The following OAS2 variants were observed in gnomAD, a reference collection of about 807,000 sequenced individuals.
OAS2 encodes 2'-5'-oligoadenylate synthase 2.
Under a neutral mutation model 71.3 loss-of-function variants are expected in OAS2, and 67 were observed. The ratio of observed to expected loss-of-function variants is 0.94; its 90% CI spans 0.77 to 1.15. The LOEUF is 1.15. Among genes scored for constraint, OAS2 ranks in the 50% most tolerant of loss-of-function variants. The pLI, the probability that OAS2 is intolerant of heterozygous loss-of-function variation, is 0.00. For missense variants in OAS2, 789 were observed against 822.5 expected, an observed-to-expected ratio of 0.96 and a Z score of 0.50; for synonymous variants, 327 against 321.8, an observed-to-expected ratio of 1.02 and a Z score of -0.17.
chr12:112,999,485 C>T (rs558871628), intron 5 of OAS2, among the ~76,000 whole-genome samples: 4 of 152,306 alleles, frequency 2.6e-5, no homozygotes, highest in East Asian at 1.9e-4. Context: ...ATCTATACCC[C>T]GTTTGCACAG....
intron 1 of OAS2, among the ~76,000 whole-genome samples, chr12:112,982,967 T>C (rs2044097730): frequency 6.6e-6 from 1 of 152,192 alleles, no homozygotes; most frequent in East Asian, 1.9e-4. Flanking sequence ...CACATGTAGT[T>C]GTTCATCATA....
intron 6 of OAS2, 56 bp from the exon 7 acceptor site, chr12:113,004,878 G>A: frequency 1.3e-6 from 2 of 1,580,364 alleles, no homozygotes; most frequent in Non-Finnish European, 1.7e-6. Flanking sequence ...GCCCACGGGG[G>A]CACGGGACTC....
chr12:113,000,890 G>T (rs932072534), intron 5 of OAS2, among the ~76,000 whole-genome samples: 3 of 152,210 alleles, frequency 2.0e-5, no homozygotes, highest in Non-Finnish European at 2.9e-5. Context: ...AACAACCAAG[G>T]TTGGCCTTCA....
intron 1 of OAS2, among the ~76,000 whole-genome samples, chr12:112,980,074 C>A (rs183285791): frequency 6.6e-6 from 1 of 152,184 alleles, no homozygotes; most frequent in East Asian, 1.9e-4. Flanking sequence ...ATTGTTGTGT[C>A]AATTCCATTA....
intron 5 of OAS2, among the ~76,000 whole-genome samples, chr12:112,998,619 G>A (rs556092909): frequency 4.5e-4 from 68 of 152,310 alleles, no homozygotes; most frequent in African/African-American, 1.5e-3. Flanking sequence ...GCAGAGCCAA[G>A]CTCTCTGCAG....
At chr12:113,006,372 AT>A in intron 7 of OAS2, 40 bp from the exon 8 acceptor site, 1 of 1,436,918 alleles carries the variant, frequency 7.0e-7, no homozygotes. Context: ...GTTACTTACT[AT>A]GTGTATTAAA....
chr12:112,997,791 T>G (rs926753065), intron 4 of OAS2, 36 bp downstream of exon 4: 1 of 1,428,338 alleles, frequency 7.0e-7, no homozygotes, highest in African/African-American at 1.4e-5. Context: ...CTGTACCTCA[T>G]CATCCGCATG....
chr12:113,005,926 A>C lies in OAS2; in HGVS notation c.1469-487A>C, dbSNP rs1465889744. On this transcript the variant is annotated intron_variant, in intron 7 of 9. Coordinates refer to ENST00000392583, the MANE Select transcript of OAS2 (RefSeq NM_002535.3). ...AAAAACAACAACAACAACAAAAAAAAAAAAAAAAAAAAAAAAAAAAAAAAA... is the reference window on the plus strand; with the variant it reads ...AAAAACAACAACAACAACAAAAAAACAAAAAAAAAAAAAAAAAAAAAAAAA... Among the ~76,000 whole-genome samples the C allele has an allele frequency of 4.5e-3, 507 of 113,128 alleles. 1 individual carries two copies. The highest frequency in any genetic ancestry group is 8.9e-3 in the East Asian group (28 of 3,150). The allele number at this position is 113,128 out of a possible 152,430, so 74.2% of individuals were successfully genotyped here. A position where few individuals can be genotyped will look rare whatever the true frequency, so the allele number is the denominator to read the frequency against.
chr12:112,990,003 G>A (rs1010500188), intron 2 of OAS2, among the ~76,000 whole-genome samples: 1 of 152,120 alleles, frequency 6.6e-6, no homozygotes. Flanking sequence ...CAGGGATGGG[G>A]CAATGGCTTC....
Position 112,989,296 on chromosome 12 carries a change from C to T in OAS2, c.448+1988C>T, listed in dbSNP as rs567433631. On this transcript the variant is annotated intron_variant, in intron 2 of 9. Transcript: ENST00000392583. The stretch of plus-strand genomic sequence containing the variant: ...TCTTCCACCATGATTGTGAGGCCTC[C>T]CCAACCATGTGGAACTGTGAGTCAA... Among the ~76,000 whole-genome samples, 9 of 152,328 alleles carry T rather than the reference C, an allele frequency of 5.9e-5. No homozygotes were observed. The South Asian group carries it at 1.9e-3, about 32-fold the overall frequency.
rs1317111227 is a variant in OAS2, at chr12:112,997,582, G to A, written c.690G>A (p.Val230=). Residue 230 remains valine, a synonymous_variant, in exon 4 of 10, where the codon GTG becomes GTA. Coordinates refer to ENST00000392583, the MANE Select transcript of OAS2 (RefSeq NM_002535.3). ...LSPYALELLT[V]YAWEQGCRKD... is the part of the protein sequence containing the mutation. ...CGTATGCCCTGGAGCTGCTTACGGT[G>A]TATGCCTGGGAACAGGGGTGCAGAA... 3 of 1,614,140 alleles carry A rather than the reference G, an allele frequency of 1.9e-6. No homozygotes were observed. Among genetic ancestry groups the A allele is most frequent in the Admixed American group, 1.7e-5 (1 of 60,018 alleles).
intron 3 of OAS2, among the ~76,000 whole-genome samples, chr12:112,996,491 G>A (rs2044233414): frequency 6.6e-6 from 1 of 152,040 alleles, no homozygotes; most frequent in Non-Finnish European, 1.5e-5. Flanking sequence ...CAAGATGTGA[G>A]TTTCAGGCAT....
At chr12:112,997,882 G>C in intron 4 of OAS2, 127 bp downstream of exon 4, 1 of 760,928 alleles carries the variant, frequency 1.3e-6, no homozygotes. Flanking sequence ...AGCCACCATG[G>C]GTGGGGAGGC....
chr12:113,006,475 A>T lies in OAS2; in HGVS notation c.1531A>T (p.Lys511Ter), dbSNP rs778835767. The T allele has an allele frequency of 7.4e-6, 12 of 1,613,368 alleles. No homozygotes were observed. The Admixed American group carries it at 1.5e-4, about 20-fold the overall frequency. ...TTATGCAGGGCTCATTGATCTGTAT[A>T]AATCCTCGGACCTCCCGGGAGGAGA... ...EVYAGLIDLY[K>*]SSDLPGGEFS... The change falls in exon 8 of 10, where the codon AAA becomes TAA. Residue 511 changes from lysine (K) to a stop codon, truncating the protein, a stop_gained. Transcript: ENST00000392583. LOFTEE classifies it high-confidence loss of function.
chr12:113,006,661 T>G, intron 8 of OAS2, 61 bp downstream of exon 8: 1 of 1,392,382 alleles, frequency 7.2e-7, no homozygotes, highest in Non-Finnish European at 9.7e-7. Context: ...CCATGAACAT[T>G]AAGCCCTGTT....
chr12:112,995,980 T>C (rs1168687796), intron 3 of OAS2, among the ~76,000 whole-genome samples: 1 of 152,068 alleles, frequency 6.6e-6, no homozygotes, highest in Non-Finnish European at 1.5e-5. Flanking sequence ...TTTTGTATTT[T>C]TTGTAGAGAT....
intron 6 of OAS2, among the ~76,000 whole-genome samples, chr12:113,003,879 A>G (rs1020299157): frequency 1.3e-5 from 2 of 152,220 alleles, no homozygotes; most frequent in Admixed American, 6.5e-5. Context: ...AAATGGCACC[A>G]ATAGCCCCAG....
rs575610904 is a variant in OAS2, at chr12:113,009,075, C to A, written c.1896-12C>A. 4 of 1,611,206 alleles carry A rather than the reference C, an allele frequency of 2.5e-6. No individual in the cohort carries two copies. Among genetic ancestry groups the A allele is most frequent in the African/African-American group, 1.3e-5 (1 of 74,914 alleles). Reference sequence around the variant, plus strand: ...TTTGGAATCTCCTAATGCCTTCTAACCTCTCATTCAGGCCTGTGATCTTGG... The same window carrying A: ...TTTGGAATCTCCTAATGCCTTCTAAACTCTCATTCAGGCCTGTGATCTTGG... On this transcript the variant is annotated splice_polypyrimidine_tract_variant and intron_variant, in intron 9 of 9. Transcript: ENST00000392583.
chr12:113,001,896 G>A (rs934350960), intron 5 of OAS2, among the ~76,000 whole-genome samples: 18 of 149,294 alleles, frequency 1.2e-4, no homozygotes, highest in East Asian at 4.0e-4. Flanking sequence ...AAAGCTAGGC[G>A]TGGTGGCACA....
Sources: gnomAD v4.1 joint callset for allele counts (sites outside exome capture counted in the v4.1 genomes callset) on GRCh38, gnomAD v4.1.1 for gene constraint, MANE v1.5 for transcripts, NCBI Gene and HGNC (gene_info 2026-07-23, HGNC 2026-07-21) for gene names.